VTN: variants seen among roughly 807,000 people sequenced by gnomAD.
VTN encodes vitronectin.
A neutral mutation model predicts 55.9 loss-of-function variants in VTN; 45 were observed. The ratio of observed to expected loss-of-function variants is 0.80; its 90% confidence interval spans 0.63 to 1.03. The LOEUF (loss-of-function observed/expected upper bound fraction) is 1.03. Among genes scored for constraint, VTN ranks in the 50% least tolerant of loss-of-function variants. The pLI is 0.00. For missense variants in VTN, 589 were observed against 638.2 expected (o/e 0.92, Z 0.83); for synonymous variants, 238 against 242.3 (o/e 0.98, Z 0.17).
intron 7 of VTN, 100 bp from the exon 8 acceptor site, chr17:28,367,581 T>TC: frequency 7.1e-7 from 1 of 1,405,118 alleles, no homozygotes; most frequent in Non-Finnish European, 1.0e-6. Flanking sequence ...AAAGTGAACA[T>TC]CCATGATGCA....
rs375615794 is a variant in VTN, at chr17:28,369,664, C to T, written c.372G>A (p.Ala124=). Residue 124 remains alanine, a synonymous_variant, in exon 3 of 8, where the codon GCG becomes GCA. Coordinates refer to ENST00000226218, the MANE Select transcript of VTN (RefSeq NM_000638.4). The surrounding 1 kb of genome is among the most constrained non-coding windows in gnomAD (Gnocchi z 5.3). ...PVLKPEEEAP[A]PEVGASKPEG... The stretch of plus-strand genomic sequence containing the variant: ...CAGGCTTAGAGGCGCCCACCTCAGG[C>T]GCAGGGGCCTCTTCCTCAGGTTTCA... The T allele has an allele frequency of 4.4e-5, 71 of 1,613,634 alleles. 1 individual carries two copies. The highest frequency in any genetic ancestry group is 6.7e-5 in the Admixed American group (4 of 59,986).
Position 28,369,604 on chromosome 17 carries a change from T to G in VTN, c.432A>C (p.Pro144=), listed in dbSNP as rs782442875. The G allele has an allele frequency of 6.2e-6, 10 of 1,613,646 alleles. No individual in the cohort carries two copies. The South Asian group carries it at 1.1e-4, about 18-fold the overall frequency. Residue 144 remains proline (P), a synonymous_variant, in exon 3 of 8, where the codon CCA becomes CCC. Coordinates refer to ENST00000226218, the MANE Select transcript of VTN (RefSeq NM_000638.4). This position sits in a 1 kb window ranked among gnomAD's most constrained non-coding sequence, Gnocchi z 5.3. ...GIDSRPETLH[P]GRPQPPAEEE... is the part of the protein sequence containing the mutation. Reference sequence around the variant, plus strand: ...CCTCTGCTGGGGGCTGAGGTCTCCCTGGATGAAGGGTCTCAGGCCTTGAGT... The same window carrying G: ...CCTCTGCTGGGGGCTGAGGTCTCCCGGGATGAAGGGTCTCAGGCCTTGAGT...
chr17:28,367,698 G>T lies in VTN; in HGVS notation c.1324+17C>A, dbSNP rs1168539161. The T allele has an allele frequency of 6.9e-6, 11 of 1,602,382 alleles. No individual in the cohort carries two copies. The highest frequency in any genetic ancestry group is 9.4e-6 in the Non-Finnish European group (11 of 1,172,452). On this transcript the variant is annotated intron_variant, in intron 7 of 7. Transcript: ENST00000226218. The stretch of plus-strand genomic sequence containing the variant: ...AACCCAAGCTAGACCAGCTTCAGGG[G>T]TGGCAGCGGCTCCTACCTCCAGAGA...
Position 28,369,349 on chromosome 17 carries a change from C to T in VTN, c.609G>A (p.Glu203=), listed in dbSNP as rs1555583573. ...GGGTGAAGGCGGCATCGATGGGGCC[C>T]TCGATGCCCCAGACATCTCGGATGA... ...PKLIRDVWGI[E]GPIDAAFTRI... Residue 203 remains glutamate, a synonymous_variant, in exon 4 of 8, where the codon GAG becomes GAA. Transcript: ENST00000226218. The surrounding 1 kb of genome is among the most constrained non-coding windows in gnomAD (Gnocchi z 5.3). The T allele has an allele frequency of 1.2e-6, 2 of 1,607,820 alleles. No homozygotes were observed. Among genetic ancestry groups the T allele is most frequent in the South Asian group, 2.2e-5 (2 of 90,814 alleles).
rs1394505022 is a variant in VTN, at chr17:28,369,792, C to T, written c.244G>A (p.Glu82Lys). 8.1e-6 allele frequency: 13 copies of T among 1,613,950 alleles called. No homozygotes were observed. Among genetic ancestry groups the T allele is most frequent in the Middle Eastern group, 1.6e-4 (1 of 6,084 alleles). The change falls in exon 3 of 8, where the codon GAG (glutamate) becomes AAG (lysine). Residue 82 changes from glutamate to lysine, a missense_variant. Glu to Lys is a moderately conservative substitution (Grantham distance 56, BLOSUM62 1). This residue lies in a region of VTN where 217 missense variants were observed against 241.3 expected (regional missense o/e 0.90). Transcript: ENST00000226218. The surrounding 1 kb of genome is among the most constrained non-coding windows in gnomAD (Gnocchi z 5.3). Reference protein sequence around the residue: ...EDEYTVYDDGEEKNNATVHEQ... With the variant: ...EDEYTVYDDGKEKNNATVHEQ... Reference sequence around the variant, plus strand: ...TGGACAGTGGCATTGTTTTTCTCCTCGCCATCGTCATAGACCGTGTACTCA... The same window carrying T: ...TGGACAGTGGCATTGTTTTTCTCCTTGCCATCGTCATAGACCGTGTACTCA...
intron 7 of VTN, 72 bp downstream of exon 7, chr17:28,367,643 C>T: frequency 6.6e-7 from 1 of 1,511,930 alleles, no homozygotes; most frequent in Non-Finnish European, 9.1e-7. Flanking sequence ...AGGCTGCGTT[C>T]AGCCCTTGTG....
At chr17:28,367,570 G>C in intron 7 of VTN, 89 bp from the exon 8 acceptor site, 1 of 1,426,398 alleles carries the variant, frequency 7.0e-7, no homozygotes, top group Non-Finnish European at 9.8e-7. Flanking sequence ...TCCCAGAAGG[G>C]AAAGTGAACA....
At position 28,368,581 on chromosome 17, in the gene VTN, T is replaced by G. The variant is rs782067169; in HGVS notation, c.919A>C (p.Met307Leu). 1 of 1,613,970 alleles carries G rather than the reference T, an allele frequency of 6.2e-7. No homozygotes were observed. The highest frequency in any genetic ancestry group is 1.3e-5 in the African/African-American group (1 of 74,928). Reference protein sequence around the residue: ...SLSAVFEHFAMMQRDSWEDIF... With the variant: ...SLSAVFEHFALMQRDSWEDIF... The stretch of plus-strand genomic sequence containing the variant: ...TCCTCCCAGCTGTCCCGCTGCATCA[T>G]GGCAAAGTGTTCAAACACAGCCGAC... Residue 307 changes from methionine to leucine, a missense_variant, in exon 6 of 8, where the codon ATG becomes CTG. By Grantham distance (15) the Met-to-Leu change is conservative (BLOSUM62 2). This residue lies in a region of VTN where 334 missense variants were observed against 328.2 expected (regional missense o/e 1.02). Coordinates refer to ENST00000226218, the MANE Select transcript of VTN (RefSeq NM_000638.4).
intron 6 of VTN, 91 bp downstream of exon 6, chr17:28,368,430 A>C (rs1026472808): frequency 2.6e-6 from 4 of 1,538,688 alleles, no homozygotes; most frequent in Non-Finnish European, 3.5e-6. Flanking sequence ...TAGCTCCACA[A>C]CCACAGCCCC....
In VTN at chr17:28,368,150, C is replaced by T. The variant is rs561896984; in HGVS notation, c.980-91G>A. 67 of 1,154,458 alleles carry T rather than the reference C, an allele frequency of 5.8e-5. 1 individual carries two copies. The South Asian group carries it at 1.0e-3, about 18-fold the overall frequency. 71.5% of individuals were successfully genotyped at this position (1,154,458 alleles called of 1,614,324 possible). A position where few individuals can be genotyped will look rare whatever the true frequency, so the allele number is the denominator to read the frequency against. ...ATTAGAGTTCATCTGCTGCACCTTGCCCAAAGACACACAGCAGCGAATGGC... is the reference window on the plus strand; with the variant it reads ...ATTAGAGTTCATCTGCTGCACCTTGTCCAAAGACACACAGCAGCGAATGGC... On this transcript the variant is annotated intron_variant, in intron 6 of 7. Coordinates refer to ENST00000226218, the MANE Select transcript of VTN (RefSeq NM_000638.4).
rs559063092 is a variant in VTN, at chr17:28,367,355, G to A, written c.*14C>T. The A allele has an allele frequency of 7.1e-6, 11 of 1,559,724 alleles. No homozygotes were observed. In the African/African-American group the frequency reaches 1.4e-4, roughly 20 times the overall value. Reference sequence around the variant, plus strand: ...AGGGAGCTACAGAGGGCCCGGCCATGTGGGCTCTGACTCCTACAGATGGCC... The same window carrying A: ...AGGGAGCTACAGAGGGCCCGGCCATATGGGCTCTGACTCCTACAGATGGCC... On this transcript the variant is annotated 3_prime_UTR_variant, in exon 8 of 8. Transcript: ENST00000226218.
In VTN at chr17:28,370,299, G is replaced by A. The variant is rs1056573808; in HGVS notation, c.-96C>T. On this transcript the variant is annotated 5_prime_UTR_variant, in exon 1 of 8. Transcript: ENST00000226218. ...AGGAAGGGAGGGAGAGGCAGAGACA[G>A]GGAAGGAGGGCACTGGAGAAGAGGA... is the stretch of plus-strand genomic sequence containing the variant. 5.0e-6 allele frequency: 7 copies of A among 1,398,702 alleles called. No individual in the cohort carries two copies. Among genetic ancestry groups the A allele is most frequent in the Non-Finnish European group, 6.9e-6 (7 of 1,021,340 alleles). The allele number at this position is 1,398,702 out of a possible 1,614,324, so 86.6% of individuals were successfully genotyped here.
At chr17:28,368,712 A>AG in intron 5 of VTN, 39 bp from the exon 6 acceptor site, 1 of 1,610,624 alleles carries the variant, frequency 6.2e-7, no homozygotes, top group Non-Finnish European at 8.5e-7. Context: ...GGGCTGGGCC[A>AG]GGGCAAGACT....
At chr17:28,368,798 T>G in intron 5 of VTN, 74 bp downstream of exon 5, 1 of 1,612,326 alleles carries the variant, frequency 6.2e-7, no homozygotes, top group Non-Finnish European at 8.5e-7. Context: ...TGCTGAGGCC[T>G]GTCCCCAGTG....
Position 28,370,277 on chromosome 17 carries a change from A to G in VTN, c.-74T>C. 1 of 1,517,912 alleles carries G rather than the reference A, an allele frequency of 6.6e-7. No homozygotes were observed. The highest frequency in any genetic ancestry group is 9.0e-7 in the Non-Finnish European group (1 of 1,116,974). 94.0% of individuals were successfully genotyped at this position (1,517,912 alleles called of 1,614,324 possible). ...GAAGTCTCCGCTCTGATGCCTGAGG[A>G]AGGGAGGGAGAGGCAGAGACAGGGA... On this transcript the variant is annotated 5_prime_UTR_variant, in exon 1 of 8. Coordinates refer to ENST00000226218, the MANE Select transcript of VTN (RefSeq NM_000638.4).
In VTN at chr17:28,368,518, T is replaced by C. The variant is rs111804579; in HGVS notation, c.979+3A>G. The C allele has an allele frequency of 6.2e-7, 1 of 1,613,848 alleles. No homozygotes were observed. Among genetic ancestry groups the C allele is most frequent in the Non-Finnish European group, 8.5e-7 (1 of 1,179,976 alleles). On this transcript the variant is annotated splice_donor_region_variant and intron_variant, in intron 6 of 7. Coordinates refer to ENST00000226218, the MANE Select transcript of VTN (RefSeq NM_000638.4). ...AGAAGCAAGACTTGCCCTCTCTCCA[T>C]ACCAGAGGTTCTGCCCCAGAAGAGA... is the stretch of plus-strand genomic sequence containing the variant.
rs1555583802 is a variant in VTN at position 28,370,156 on chromosome 17, AAC to A, written c.46_47del (p.Val16CysfsTer4). On this transcript the variant is annotated frameshift_variant, in exon 1 of 8. Transcript: ENST00000226218. LOFTEE classifies it high-confidence loss of function. ...CCCCTGTACCTTGGTCAGCCAGAGC[AAC>A]CCATGCCAGCAGGGCCAGTATGAGA... is the stretch of plus-strand genomic sequence containing the variant. ...PLLILALLAW[V>X]ALADQESCKG... The A allele has an allele frequency of 6.2e-7, 1 of 1,613,812 alleles. No homozygotes were observed. Among genetic ancestry groups the A allele is most frequent in the South Asian group, 1.1e-5 (1 of 91,044 alleles).
rs782149949 is a variant in VTN at position 28,368,867 on chromosome 17, A to G, written c.826+5T>C. ...CTGCTCAGTCTCCCACCACCCCCTGAGTACCCTTGAAGAAGTAGACCCGCT... is the reference window on the plus strand; with the variant it reads ...CTGCTCAGTCTCCCACCACCCCCTGGGTACCCTTGAAGAAGTAGACCCGCT... On this transcript the variant is annotated splice_donor_5th_base_variant and intron_variant, in intron 5 of 7. Coordinates refer to ENST00000226218, the MANE Select transcript of VTN (RefSeq NM_000638.4). 2 of 1,613,734 alleles carry G rather than the reference A, an allele frequency of 1.2e-6. No individual in the cohort carries two copies. Among genetic ancestry groups the G allele is most frequent in the South Asian group, 2.2e-5 (2 of 91,072 alleles).
At position 28,369,799 on chromosome 17, in the gene VTN, G is replaced by A. The variant is rs141253462; in HGVS notation, c.237C>T (p.Asp79=). ...TMPEDEYTVY[D]DGEEKNNATV... is the part of the protein sequence containing the mutation. Reference sequence around the variant, plus strand: ...TGGCATTGTTTTTCTCCTCGCCATCGTCATAGACCGTGTACTCATCCTCCG... The same window carrying A: ...TGGCATTGTTTTTCTCCTCGCCATCATCATAGACCGTGTACTCATCCTCCG... The change falls in exon 3 of 8, where the codon GAC becomes GAT. Residue 79 remains aspartate (D), a synonymous_variant. Transcript: ENST00000226218. The surrounding 1 kb of genome is among the most constrained non-coding windows in gnomAD (Gnocchi z 5.3). The A allele has an allele frequency of 1.2e-5, 19 of 1,613,918 alleles. No homozygotes were observed. Among genetic ancestry groups the A allele is most frequent in the Middle Eastern group, 1.6e-4 (1 of 6,084 alleles).
Sources: allele counts gnomAD v4.1 joint callset, GRCh38; gene constraint gnomAD v4.1.1; regional missense constraint gnomAD v4.1.1; non-coding constraint Gnocchi (gnomAD v3.1); transcripts MANE v1.5; gene names NCBI Gene and HGNC (gene_info 2026-07-23, HGNC 2026-07-21).